BORCS7: variants seen among roughly 807,000 people sequenced by gnomAD.
BORCS7 encodes BLOC-1 related complex subunit 7.
A neutral mutation model predicts 17.5 loss-of-function variants in BORCS7; 20 were observed. The ratio of observed to expected loss-of-function variants is 1.14; its 90% CI spans 0.80 to 1.66. The LOEUF (loss-of-function observed/expected upper bound fraction) is 1.66. Ranked by LOEUF, BORCS7 falls within the 40% of genes most tolerant of loss-of-function variation. BORCS7 has a pLI of 0.00. For synonymous variants in BORCS7, 57 were observed against 49.8 expected (o/e 1.14, Z -0.61); for missense variants, 122 against 129.7 (o/e 0.94, Z 0.29).
At chr10:102,856,823 A>T (rs1590211332) in intron 1 of BORCS7, among the ~76,000 whole-genome samples, 1 of 152,232 alleles carries the variant, frequency 6.6e-6, no homozygotes. Context: ...TTACATTACA[A>T]CAGCCCCTGC....
At chr10:102,856,395 G>GAA (rs961966155) in intron 1 of BORCS7, among the ~76,000 whole-genome samples, 4 of 142,316 alleles carry the variant, frequency 2.8e-5, no homozygotes, top group Non-Finnish European at 4.6e-5. Flanking sequence ...GTAAAAAAAG[G>GAA]AAAAAAAAAA....
At chr10:102,861,419 GAAA>G (rs745985677) in intron 3 of BORCS7, among the ~76,000 whole-genome samples, 1 of 101,992 alleles carries the variant, frequency 9.8e-6, no homozygotes, top group African/African-American at 3.8e-5. Flanking sequence ...TCTGCCTCCA[GAAA>G]AAAAAAAAAA....
At chr10:102,857,840 ACC>A (rs1419219876) in intron 1 of BORCS7, among the ~76,000 whole-genome samples, 1 of 152,060 alleles carries the variant, frequency 6.6e-6, no homozygotes, top group African/African-American at 2.4e-5. Flanking sequence ...GCTGCAGATA[ACC>A]CTCAGGGATC....
intron 1 of BORCS7, among the ~76,000 whole-genome samples, chr10:102,858,641 C>T (rs1227987018): frequency 1.3e-5 from 2 of 151,780 alleles, no homozygotes; most frequent in African/African-American, 4.8e-5. Flanking sequence ...CAGAGTGATA[C>T]CCTGTTTCAA....
At chr10:102,860,859 G>T in intron 3 of BORCS7, 1 of 440,972 alleles carries the variant, frequency 2.3e-6, no homozygotes, top group Non-Finnish European at 4.1e-6. Flanking sequence ...GCACCTGTGA[G>T]GCCGTTGATC....
At chr10:102,861,128 G>A (rs1226929615) in intron 3 of BORCS7, among the ~76,000 whole-genome samples, 1 of 152,052 alleles carries the variant, frequency 6.6e-6, no homozygotes, top group Admixed American at 6.6e-5. Flanking sequence ...GAAATATATG[G>A]TTGGGGCTGG....
intron 3 of BORCS7, 97 bp downstream of exon 3, chr10:102,860,638 G>A: frequency 7.4e-7 from 1 of 1,347,828 alleles, no homozygotes; most frequent in Non-Finnish European, 1.1e-6. Flanking sequence ...GTGGAGGCCA[G>A]AGTGGGAGTA....
chr10:102,860,251 G>A, intron 1 of BORCS7, 81 bp from the exon 2 acceptor site: 1 of 1,153,580 alleles, frequency 8.7e-7, no homozygotes, highest in Non-Finnish European at 1.3e-6. Context: ...AGGAGAGAGG[G>A]TAGTAGTGTA....
In BORCS7 at chr10:102,858,184, T is replaced by A. The variant is rs1263783302; in HGVS notation, c.142-2148T>A. Among the ~76,000 whole-genome samples the A allele has an allele frequency of 5.3e-4, 57 of 107,224 alleles. 2 individuals carry two copies. Among genetic ancestry groups the A allele is most frequent in the African/African-American group, 1.8e-3 (53 of 28,986 alleles). The allele number at this position is 107,224 out of a possible 152,430, so 70.3% of individuals were successfully genotyped here. A position where few individuals can be genotyped will look rare whatever the true frequency, so the allele number is the denominator to read the frequency against. ...TGTCTCAAAAAAAAAAAAATATATA[T>A]ATATATAGAGAGAGAGAGCGAGCGA... On this transcript the variant is annotated intron_variant, in intron 1 of 4. Transcript: ENST00000339834.
intron 1 of BORCS7, among the ~76,000 whole-genome samples, chr10:102,856,877 T>A (rs918162045): frequency 6.6e-6 from 1 of 152,218 alleles, no homozygotes; most frequent in African/African-American, 2.4e-5. Context: ...TTTCTAAATG[T>A]CTCACAAATC....
At chr10:102,859,731 A>AAG (rs1039293133) in intron 1 of BORCS7, among the ~76,000 whole-genome samples, 2 of 151,202 alleles carry the variant, frequency 1.3e-5, no homozygotes, top group Non-Finnish European at 3.0e-5. Context: ...TGCCCAGCTA[A>AAG]CTTGTATTTT....
intron 3 of BORCS7, among the ~76,000 whole-genome samples, chr10:102,861,641 C>T (rs1394455267): frequency 3.3e-5 from 5 of 151,736 alleles, no homozygotes; most frequent in South Asian, 4.2e-4. Flanking sequence ...TGCTTGAGCC[C>T]GGGAGACGGA....
intron 3 of BORCS7, among the ~76,000 whole-genome samples, chr10:102,861,545 C>T (rs535922217): frequency 6.6e-5 from 10 of 151,810 alleles, no homozygotes; most frequent in East Asian, 3.9e-4. Context: ...GGCAAAACCC[C>T]GTCTCTACTA....
At chr10:102,854,542 A>G (rs757300174) in intron 1 of BORCS7, 115 bp downstream of exon 1, 92 of 1,279,126 alleles carry the variant, frequency 7.2e-5, no homozygotes, top group East Asian at 3.9e-4. Flanking sequence ...AGTACTTGCT[A>G]TGAGTAGGTC....
intron 1 of BORCS7, among the ~76,000 whole-genome samples, chr10:102,855,916 C>T (rs1466718003): frequency 1.3e-5 from 2 of 152,152 alleles, no homozygotes; most frequent in African/African-American, 4.8e-5. Context: ...CGCCTGCCAC[C>T]ACACCCAGCT....
At chr10:102,859,670 AT>A (rs2134098927) in intron 1 of BORCS7, among the ~76,000 whole-genome samples, 1 of 151,252 alleles carries the variant, frequency 6.6e-6, no homozygotes, top group East Asian at 1.9e-4. Context: ...GGTTCAAGCA[AT>A]TCTCCCACCT....
chr10:102,858,629 G>A (rs1379939844), intron 1 of BORCS7, among the ~76,000 whole-genome samples: 1 of 152,058 alleles, frequency 6.6e-6, no homozygotes, highest in East Asian at 1.9e-4. Flanking sequence ...CAGCCTGGGT[G>A]ACAGAGTGAT....
At chr10:102,856,677 C>A (rs1322892733) in intron 1 of BORCS7, among the ~76,000 whole-genome samples, 1 of 152,146 alleles carries the variant, frequency 6.6e-6, no homozygotes, top group African/African-American at 2.4e-5. Flanking sequence ...GATTGTTTTA[C>A]AGGTGTATTC....
chr10:102,854,650 T>A, intron 1 of BORCS7: 1 of 437,074 alleles, frequency 2.3e-6, no homozygotes, highest in Non-Finnish European at 3.8e-6. Flanking sequence ...CATGGGAACC[T>A]GTGCTTTAAA....
Sources: allele counts gnomAD v4.1 joint callset (sites outside exome capture counted in the v4.1 genomes callset), GRCh38; gene constraint gnomAD v4.1.1; transcripts MANE v1.5; gene names NCBI Gene and HGNC (gene_info 2026-07-23, HGNC 2026-07-21).